Variants in CCNQ observed in about 807,000 individuals in gnomAD.
The protein encoded by CCNQ is cyclin Q.
A neutral mutation model predicts 17.7 loss-of-function variants in CCNQ; 3 were observed. That is an observed-to-expected ratio of 0.17 (90% CI 0.08 to 0.44). The LOEUF (loss-of-function observed/expected upper bound fraction) is 0.44. CCNQ is among the 20% of genes least tolerant of loss of function. The pLI is 0.99. For synonymous variants in CCNQ, 73 were observed against 96.0 expected, an observed-to-expected ratio of 0.76 and a Z score of 1.40; for missense variants, 146 against 222.6, an observed-to-expected ratio of 0.66 and a Z score of 2.19.
chrX:153,596,227 C>A (rs781843124), intron 1 of CCNQ, 40 bp from the exon 2 acceptor site: 1 of 1,177,768 alleles, frequency 8.5e-7, no homozygotes, highest in East Asian at 3.0e-5. Context: ...TTCAATCCAG[C>A]GCTGGCTCAC....
chrX:153,592,656 G>A lies in CCNQ; in HGVS notation c.507C>T (p.Thr169=), dbSNP rs376060545. The change falls in exon 4 of 5, where the codon ACC becomes ACT. Residue 169 remains threonine (T), a synonymous_variant. Coordinates refer to ENST00000576892, the MANE Select transcript of CCNQ (RefSeq NM_152274.5). ...HSWQRTPVAV[T]AWALLRDSYH... is the part of the protein sequence containing the mutation. ...AGCTGTCCCGCAGCAGGGCCCAGGC[G>A]GTGACGGCAACAGGGGTCCGCTGCC... The A allele has an allele frequency of 5.5e-5, 66 of 1,210,256 alleles. No individual in the cohort carries two copies. Among genetic ancestry groups the A allele is most frequent in the South Asian group, 1.4e-4 (8 of 56,676 alleles).
At chrX:153,591,438 A>G (rs2090990694) in intron 4 of CCNQ, among the ~76,000 whole-genome samples, 1 of 111,410 alleles carries the variant, frequency 9.0e-6, no homozygotes. Flanking sequence ...CTGGGCTCGC[A>G]CTCCTCTGGG....
At chrX:153,591,421 G>C (rs1011582201) in intron 4 of CCNQ, among the ~76,000 whole-genome samples, 6 of 112,363 alleles carry the variant, frequency 5.3e-5, no homozygotes, top group Non-Finnish European at 1.9e-5. Context: ...TGGCTGTGCA[G>C]GGTTACCTGG....
intron 4 of CCNQ, among the ~76,000 whole-genome samples, chrX:153,591,567 G>T (rs6655261): frequency 0.069 from 7,643 of 111,246 alleles, 258 homozygotes; most frequent in South Asian, 0.16. Flanking sequence ...CAGGGCCAGG[G>T]CCACACCCAC....
At chrX:153,594,290 C>T (rs782518267) in intron 3 of CCNQ, among the ~76,000 whole-genome samples, 33 of 112,693 alleles carry the variant, frequency 2.9e-4, no homozygotes, top group African/African-American at 9.7e-4. Flanking sequence ...GCAGCACGGA[C>T]CCCGCCCACA....
At chrX:153,592,263 G>A (rs782533123) in intron 4 of CCNQ, among the ~76,000 whole-genome samples, 16 of 112,902 alleles carry the variant, frequency 1.4e-4, no homozygotes, top group African/African-American at 4.5e-4. Flanking sequence ...CCCTCCTCCC[G>A]GGACACCGGC....
rs782819030 is a variant in CCNQ at position 153,599,056 on chromosome X, G to T, written c.18C>A (p.Gly6=). 14 of 1,052,364 alleles carry T rather than the reference G, an allele frequency of 1.3e-5. No individual in the cohort carries two copies. In the African/African-American group the frequency reaches 2.4e-4, roughly 18 times the overall value. 86.7% of individuals were successfully genotyped at this position (1,052,364 alleles called of 1,213,427 possible). A position where few individuals can be genotyped will look rare whatever the true frequency, so the allele number is the denominator to read the frequency against. ...CCCGCGCTGCAGGCCCCCCTCCGCC[G>T]CCCTCCGGGGCTTCCATGAGGCGCC... MEAPE[G]GGGGPAARGP... is the part of the protein sequence containing the mutation. Residue 6 remains glycine, a synonymous_variant, in exon 1 of 5, where the codon GGC becomes GGA. Coordinates refer to ENST00000576892, the MANE Select transcript of CCNQ (RefSeq NM_152274.5).
At chrX:153,594,396 AAC>A in intron 3 of CCNQ, 149 bp downstream of exon 3, 1 of 796,369 alleles carries the variant, frequency 1.3e-6, no homozygotes, top group South Asian at 2.1e-5. Context: ...CCCAGCCACA[AAC>A]ACAGAGCCAG....
At chrX:153,593,694 T>C (rs1350968809) in intron 3 of CCNQ, among the ~76,000 whole-genome samples, 1 of 112,167 alleles carries the variant, frequency 8.9e-6, no homozygotes, top group South Asian at 3.7e-4. Context: ...GCTGTGGTGG[T>C]AGGTCCGTGA....
intron 4 of CCNQ, among the ~76,000 whole-genome samples, chrX:153,591,391 T>C (rs1557025747): frequency 8.9e-6 from 1 of 112,257 alleles, no homozygotes; most frequent in African/African-American, 3.2e-5. Context: ...AGCAAACAAC[T>C]TGCTGGTAGA....
At chrX:153,590,622 C>T (rs898394495) in intron 4 of CCNQ, among the ~76,000 whole-genome samples, 28 of 111,989 alleles carry the variant, frequency 2.5e-4, no homozygotes, top group African/African-American at 7.5e-4. Flanking sequence ...AATGTGCTTC[C>T]GTCCCTGGGC....
At chrX:153,594,089 T>A (rs1178619762) in intron 3 of CCNQ, among the ~76,000 whole-genome samples, 1 of 113,027 alleles carries the variant, frequency 8.8e-6, no homozygotes, top group Non-Finnish European at 1.9e-5. Flanking sequence ...AGTTAAAGCA[T>A]GCTGCTTGAC....
At chrX:153,597,439 G>T (rs1396006769) in intron 1 of CCNQ, 1 of 112,234 alleles carries the variant, frequency 8.9e-6, no homozygotes, top group Non-Finnish European at 1.9e-5. Flanking sequence ...AGCTTCTAGA[G>T]GAGGGCTGCA....
intron 4 of CCNQ, among the ~76,000 whole-genome samples, chrX:153,589,781 G>A (rs1175018130): frequency 8.9e-6 from 1 of 112,141 alleles, no homozygotes; most frequent in East Asian, 2.8e-4. Context: ...AGGAGATGGT[G>A]ACCTGGACGC....
chrX:153,594,219 C>G (rs782053338), intron 3 of CCNQ, among the ~76,000 whole-genome samples: 15 of 112,751 alleles, frequency 1.3e-4, no homozygotes, highest in South Asian at 3.6e-4. Flanking sequence ...CAGCCTGCTT[C>G]CCCGAGGCCC....
At chrX:153,594,725 G>A (rs2091015939) in intron 2 of CCNQ, 46 bp from the exon 3 acceptor site, 1 of 1,197,575 alleles carries the variant, frequency 8.4e-7, no homozygotes, top group East Asian at 3.0e-5. Context: ...GCAGTCTCCT[G>A]AGCACTGGAT....
chrX:153,592,530 G>GGAGA lies in CCNQ; in HGVS notation c.632_633insTCTC (p.Glu212LeufsTer4), dbSNP rs1307824936. The GGAGA allele has an allele frequency of 8.3e-7, 1 of 1,211,142 alleles. No individual in the cohort carries two copies. The highest frequency in any genetic ancestry group is 1.1e-6 in the Non-Finnish European group (1 of 895,354). The stretch of plus-strand genomic sequence containing the variant: ...CCTGCCACCACGGCTTCTCAGCCTC[G>GGAGA]ACCTCGGCGGGCACCTCAACTCCGT... On this transcript the variant is annotated frameshift_variant, in exon 4 of 5. Transcript: ENST00000576892. LOFTEE classifies it high-confidence loss of function.
chrX:153,590,935 G>A (rs782164704), intron 4 of CCNQ, among the ~76,000 whole-genome samples: 24 of 111,969 alleles, frequency 2.1e-4, no homozygotes, highest in Non-Finnish European at 3.8e-4. Context: ...GCAGCATTGC[G>A]TGACGACCTG....
At chrX:153,592,365 A>G (rs2090997598) in intron 4 of CCNQ, 141 bp downstream of exon 4, 1 of 617,060 alleles carries the variant, frequency 1.6e-6, no homozygotes, top group Non-Finnish European at 2.5e-6. Flanking sequence ...GGCCATCGCA[A>G]CAGGGTACTT....
Sources: gnomAD v4.1 joint callset for allele counts (sites outside exome capture counted in the v4.1 genomes callset) on GRCh38, gnomAD v4.1.1 for gene constraint, MANE v1.5 for transcripts, NCBI Gene and HGNC (gene_info 2026-07-23, HGNC 2026-07-21) for gene names.